The following USH2A variants were observed in gnomAD, a reference collection of about 807,000 sequenced individuals.
USH2A encodes Usher syndrome 2A (autosomal recessive, mild).
In USH2A, 443 loss-of-function variants were observed where a neutral mutation model predicts 538.9. The ratio of observed to expected loss-of-function variants is 0.82; its 90% CI spans 0.76 to 0.89. The LOEUF is 0.89. Among genes scored for constraint, USH2A ranks in the 40% least tolerant of loss-of-function variants. USH2A has a pLI of 0.00. For missense variants in USH2A, 6,633 were observed against 6,324.8 expected (o/e 1.05, Z -1.65); for synonymous variants, 2,413 against 2,273.5 (o/e 1.06, Z -1.75).
intron 61 of USH2A, among the ~76,000 whole-genome samples, chr1:215,724,758 C>T (rs1185016624): frequency 6.8e-6 from 1 of 147,716 alleles, no homozygotes; most frequent in Non-Finnish European, 1.5e-5. Context: ...CTGCTCTGCT[C>T]AAGGGCCAAG....
intron 47 of USH2A, among the ~76,000 whole-genome samples, chr1:215,827,502 T>C (rs1226756040): frequency 6.6e-6 from 1 of 152,178 alleles, no homozygotes; most frequent in African/African-American, 2.4e-5. Flanking sequence ...TTCTATATAT[T>C]CTGTCTTTCT....
chr1:216,347,048 G>A (rs1045300425), intron 4 of USH2A, among the ~76,000 whole-genome samples: 1 of 151,928 alleles, frequency 6.6e-6, no homozygotes, highest in African/African-American at 2.4e-5. Context: ...AAAGACATTT[G>A]GTCTAAATTA....
At chr1:216,212,975 G>A (rs769069846) in intron 15 of USH2A, among the ~76,000 whole-genome samples, 2 of 152,032 alleles carry the variant, frequency 1.3e-5, no homozygotes, top group Non-Finnish European at 2.9e-5. Context: ...TGAGACACTG[G>A]AGAGCACATG....
intron 38 of USH2A, among the ~76,000 whole-genome samples, chr1:215,908,281 C>G (rs889553077): frequency 1.3e-5 from 2 of 151,888 alleles, no homozygotes; most frequent in Admixed American, 6.6e-5. Flanking sequence ...CCATGATAAA[C>G]CAAGGTAATG....
At chr1:215,640,034 A>T (rs1161432593) in intron 68 of USH2A, among the ~76,000 whole-genome samples, 1 of 152,202 alleles carries the variant, frequency 6.6e-6, no homozygotes, top group Non-Finnish European at 1.5e-5. Flanking sequence ...GAGAAAAGGG[A>T]CATGTAAGTA....
chr1:215,704,680 A>G (rs1659133925), intron 61 of USH2A, among the ~76,000 whole-genome samples: 1 of 152,084 alleles, frequency 6.6e-6, no homozygotes, highest in African/African-American at 2.4e-5. Flanking sequence ...CCCAGTTACA[A>G]CACACTCTTC....
intron 4 of USH2A, among the ~76,000 whole-genome samples, chr1:216,344,349 C>T (rs1357105288): frequency 5.3e-5 from 8 of 152,118 alleles, no homozygotes; most frequent in Admixed American, 4.6e-4. Context: ...ATACACTGAA[C>T]TATTAATACT....
intron 61 of USH2A, among the ~76,000 whole-genome samples, chr1:215,707,108 A>G (rs1464116386): frequency 1.3e-5 from 2 of 152,184 alleles, no homozygotes; most frequent in African/African-American, 2.4e-5. Flanking sequence ...AATGGGAACA[A>G]AATTTTTCAC....
intron 14 of USH2A, among the ~76,000 whole-genome samples, chr1:216,221,072 T>A (rs1026193648): frequency 1.3e-5 from 2 of 152,120 alleles, no homozygotes; most frequent in African/African-American, 4.8e-5. Context: ...ACAGTAAGGA[T>A]TCAGTAAATA....
At chr1:215,876,360 C>T (rs1664776307) in intron 43 of USH2A, among the ~76,000 whole-genome samples, 1 of 152,092 alleles carries the variant, frequency 6.6e-6, no homozygotes, top group African/African-American at 2.4e-5. Flanking sequence ...GATGTTTTCC[C>T]ACCACAACTT....
At chr1:215,655,824 C>T (rs1006459297) in intron 64 of USH2A, among the ~76,000 whole-genome samples, 2 of 151,066 alleles carry the variant, frequency 1.3e-5, no homozygotes, top group African/African-American at 4.9e-5. Flanking sequence ...CGATCTCCAC[C>T]TCCTGGGTTC....
chr1:215,674,951 A>G lies in USH2A; in HGVS notation c.12960T>C (p.Asp4320=). 1 of 1,614,232 alleles carries G rather than the reference A, an allele frequency of 6.2e-7. No individual in the cohort carries two copies. Among genetic ancestry groups the G allele is most frequent in the Admixed American group, 1.7e-5 (1 of 60,026 alleles). Residue 4320 remains aspartate (D), a synonymous_variant, in exon 63 of 72, where the codon GAT becomes GAC. Transcript: ENST00000307340. ...SFDPVTFNYT[D]EELLPFSTYS... Reference sequence around the variant, plus strand: ...AGGTGGAAAAAGGAAGAAGCTCTTCATCAGTGTAATTGAAAGTCACAGGAT... The same window carrying G: ...AGGTGGAAAAAGGAAGAAGCTCTTCGTCAGTGTAATTGAAAGTCACAGGAT...
chr1:216,173,916 A>G, intron 21 of USH2A: 1 of 939,874 alleles, frequency 1.1e-6, no homozygotes, highest in South Asian at 4.9e-5. Context: ...TTATTCATGT[A>G]TTCCTTTTCC....
At chr1:215,787,230 G>C (rs558380455) in intron 51 of USH2A, among the ~76,000 whole-genome samples, 1 of 152,228 alleles carries the variant, frequency 6.6e-6, no homozygotes, top group African/African-American at 2.4e-5. Flanking sequence ...ACCAAGGTTT[G>C]TTGTGTGACT....
intron 3 of USH2A, among the ~76,000 whole-genome samples, chr1:216,369,735 AC>A (rs2038664939): frequency 6.6e-6 from 1 of 151,616 alleles, no homozygotes; most frequent in South Asian, 2.1e-4. Context: ...ACATAGTGAA[AC>A]CCCGTCTGTA....
chr1:216,074,703 G>A (rs145112256), intron 27 of USH2A, among the ~76,000 whole-genome samples: 2 of 152,236 alleles, frequency 1.3e-5, no homozygotes, highest in African/African-American at 4.8e-5. Context: ...TCATTGGCTG[G>A]AAAATTCAGA....
intron 4 of USH2A, among the ~76,000 whole-genome samples, chr1:216,355,492 G>A (rs141245525): frequency 1.2e-3 from 184 of 152,206 alleles, no homozygotes; most frequent in African/African-American, 4.2e-3. Flanking sequence ...TCTAAAAGAA[G>A]TAACAGTAAT....
At chr1:216,379,891 A>G (rs919262143) in intron 3 of USH2A, among the ~76,000 whole-genome samples, 5 of 152,250 alleles carry the variant, frequency 3.3e-5, no homozygotes, top group Non-Finnish European at 7.3e-5. Context: ...GGACAAGTTT[A>G]TCAAAGAATA....
chr1:215,656,484 T>C (rs1447687584), intron 64 of USH2A, among the ~76,000 whole-genome samples: 1 of 152,226 alleles, frequency 6.6e-6, no homozygotes, highest in African/African-American at 2.4e-5. Context: ...TTTGCTATTA[T>C]TCTCCTCATA....
Sources: allele counts gnomAD v4.1 joint callset (sites outside exome capture counted in the v4.1 genomes callset), GRCh38; gene constraint gnomAD v4.1.1; transcripts MANE v1.5; gene names NCBI Gene and HGNC (gene_info 2026-07-23, HGNC 2026-07-21).